The following MARCHF10 variants were observed in gnomAD, a reference collection of about 807,000 sequenced individuals.
MARCHF10 encodes probable E3 ubiquitin-protein ligase MARCHF10.
In MARCHF10, 64 loss-of-function variants were observed where a neutral mutation model predicts 76.2. The observed-to-expected ratio is 0.84, with a 90% CI of 0.69 to 1.03. The LOEUF (loss-of-function observed/expected upper bound fraction) is 1.03, where lower values mean the gene tolerates loss of function less well. Ranked by LOEUF, MARCHF10 falls within the 50% of genes least tolerant of loss-of-function variation. The pLI is 0.00. For missense variants in MARCHF10, 875 were observed against 958.0 expected (o/e 0.91, Z 1.14); for synonymous variants, 340 against 357.5 (o/e 0.95, Z 0.55).
intron 3 of MARCHF10, among the ~76,000 whole-genome samples, chr17:62,769,931 G>A (rs561022512): frequency 3.3e-5 from 5 of 152,132 alleles, no homozygotes; most frequent in Admixed American, 2.6e-4. Context: ...TTAGATACAG[G>A]GGGTACATAT....
intron 3 of MARCHF10, among the ~76,000 whole-genome samples, chr17:62,770,368 C>A (rs2092420142): frequency 1.3e-5 from 2 of 152,100 alleles, no homozygotes; most frequent in African/African-American, 4.8e-5. Flanking sequence ...GATCTATTTT[C>A]CTCTGGGTAT....
Position 62,744,448 on chromosome 17 carries a change from G to T in MARCHF10, c.463C>A (p.Pro155Thr). The change falls in exon 5 of 11, where the codon CCG becomes ACG. Residue 155 changes from proline (P) to threonine (T), a missense_variant. Pro to Thr is a conservative substitution (Grantham distance 38, BLOSUM62 -1). Transcript: ENST00000311269. ...RFTVSPESHS[P>T]RASGDRSRQK... ...CTGCTTCTGTCCCCAGATGCTCTCG[G>T]GCTGTGCGATTCTGGGCTGACTGTA... is the stretch of plus-strand genomic sequence containing the variant. 1 of 1,614,170 alleles carries T rather than the reference G, an allele frequency of 6.2e-7. No individual in the cohort carries two copies.
intron 3 of MARCHF10, among the ~76,000 whole-genome samples, chr17:62,767,450 C>CTT (rs1555707309): frequency 5.2e-5 from 7 of 134,786 alleles, no homozygotes; most frequent in Admixed American, 1.6e-4. Flanking sequence ...GGTCTGTATT[C>CTT]TTTTTTTTTT....
chr17:62,716,309 T>G (rs1286110090), intron 8 of MARCHF10, among the ~76,000 whole-genome samples: 1 of 151,828 alleles, frequency 6.6e-6, no homozygotes, highest in Middle Eastern at 3.2e-3. Flanking sequence ...TTAGTTAAAC[T>G]GGCTGGGTGT....
intron 3 of MARCHF10, among the ~76,000 whole-genome samples, chr17:62,779,564 A>C (rs1276397148): frequency 6.6e-6 from 1 of 152,148 alleles, no homozygotes; most frequent in East Asian, 1.9e-4. Flanking sequence ...AAAACACAAA[A>C]TGCAAATCGA....
chr17:62,725,503 G>A (rs775447443), intron 6 of MARCHF10, among the ~76,000 whole-genome samples: 14 of 152,186 alleles, frequency 9.2e-5, no homozygotes, highest in African/African-American at 2.4e-4. Flanking sequence ...GGGCTGAAGC[G>A]ATCCACATGC....
intron 4 of MARCHF10, among the ~76,000 whole-genome samples, chr17:62,754,287 G>A (rs2147920278): frequency 6.6e-6 from 1 of 152,302 alleles, no homozygotes; most frequent in African/African-American, 2.4e-5. Context: ...TGGCCAGGCT[G>A]GTTTCTAACT....
intron 5 of MARCHF10, among the ~76,000 whole-genome samples, chr17:62,740,520 TA>T (rs2091466499): frequency 6.6e-6 from 1 of 152,164 alleles, no homozygotes; most frequent in Non-Finnish European, 1.5e-5. Flanking sequence ...AGATGAAGAA[TA>T]AAATAAAAAT....
intron 3 of MARCHF10, among the ~76,000 whole-genome samples, chr17:62,774,768 C>T (rs2092516082): frequency 1.3e-5 from 2 of 152,068 alleles, no homozygotes; most frequent in Admixed American, 1.3e-4. Flanking sequence ...AATCTGCATC[C>T]TCAAAGGCCG....
intron 3 of MARCHF10, among the ~76,000 whole-genome samples, chr17:62,763,495 A>T (rs765188550): frequency 1.3e-4 from 20 of 152,262 alleles, no homozygotes; most frequent in Non-Finnish European, 2.4e-4. Context: ...CATTAGAGAT[A>T]ATCAAACAAT....
intron 3 of MARCHF10, among the ~76,000 whole-genome samples, chr17:62,780,118 A>C (rs1386676672): frequency 6.6e-6 from 1 of 151,900 alleles, no homozygotes; most frequent in Non-Finnish European, 1.5e-5. Context: ...AAACCAAAAA[A>C]CAAAAAATAA....
chr17:62,779,576 C>G (rs908850165), intron 3 of MARCHF10, among the ~76,000 whole-genome samples: 4 of 152,158 alleles, frequency 2.6e-5, no homozygotes, highest in African/African-American at 7.2e-5. Flanking sequence ...GCAAATCGAG[C>G]CAGCCTCCAC....
intron 6 of MARCHF10, chr17:62,735,571 C>A (rs1018975118): frequency 3.5e-5 from 8 of 227,072 alleles, no homozygotes; most frequent in Non-Finnish European, 5.9e-5. Flanking sequence ...CTGGTTCATT[C>A]TCTAGGGAGA....
intron 9 of MARCHF10, 71 bp from the exon 10 acceptor site, chr17:62,705,652 T>C: frequency 6.3e-7 from 1 of 1,577,618 alleles, no homozygotes; most frequent in Non-Finnish European, 8.7e-7. Flanking sequence ...TATAACCTCC[T>C]AGTCGCAGCA....
At position 62,759,936 on chromosome 17, in the gene MARCHF10, G is replaced by T. The variant is rs1322883487; in HGVS notation, c.281C>A (p.Ser94Tyr). Residue 94 changes from serine (S) to tyrosine (Y), a missense_variant, in exon 4 of 11, where the codon TCC becomes TAC. Physicochemically the swap from Ser to Tyr is moderately radical, Grantham distance 144. Transcript: ENST00000311269. ...TGTTTGGTCAATTGCTGGAAGTTTG[G>T]AGTCACACTTAAATGCAGATATCTT... ...SIKISAFKCD[S>Y]KLPAIDQTSV... The T allele has an allele frequency of 6.2e-7, 1 of 1,613,800 alleles. No homozygotes were observed. The highest frequency in any genetic ancestry group is 2.2e-5 in the East Asian group (1 of 44,896).
In MARCHF10 at chr17:62,728,736, A is replaced by G. The variant is rs2090877560; in HGVS notation, c.1938-3632T>C. On this transcript the variant is annotated intron_variant, in intron 6 of 10. Transcript: ENST00000311269. ...GTGAAACAATATTAATGGACAAAAT[A>G]TAATTCAGGCTAAAAGTCTAAAGCT... 1.3e-5 allele frequency among the ~76,000 whole-genome samples: 2 copies of G among 152,248 alleles called. 1 individual carries two copies. Among genetic ancestry groups the G allele is most frequent in the South Asian group, 4.1e-4 (2 of 4,830 alleles).
chr17:62,728,868 G>A (rs2090883901), intron 6 of MARCHF10, among the ~76,000 whole-genome samples: 1 of 152,116 alleles, frequency 6.6e-6, no homozygotes, highest in Non-Finnish European at 1.5e-5. Context: ...CCAAATCAGA[G>A]TGAAGGATTT....
At chr17:62,803,758 T>C (rs1009802017) in intron 1 of MARCHF10, among the ~76,000 whole-genome samples, 2 of 152,126 alleles carry the variant, frequency 1.3e-5, no homozygotes, top group African/African-American at 4.8e-5. Flanking sequence ...TCAGGTGATC[T>C]GCCCACCTTG....
At chr17:62,714,609 T>C (rs1222542173) in intron 8 of MARCHF10, among the ~76,000 whole-genome samples, 1 of 152,042 alleles carries the variant, frequency 6.6e-6, no homozygotes, top group Non-Finnish European at 1.5e-5. Flanking sequence ...GAGAAAAAAA[T>C]GCATAATTGT....
Sources: allele counts gnomAD v4.1 joint callset (sites outside exome capture counted in the v4.1 genomes callset), GRCh38; gene constraint gnomAD v4.1.1; transcripts MANE v1.5; gene names NCBI Gene and HGNC (gene_info 2026-07-23, HGNC 2026-07-21).